IRS2: variants seen among roughly 807,000 people sequenced by gnomAD.
The protein encoded by IRS2 is insulin receptor substrate 2.
IRS2 carries 28 observed loss-of-function variants against 70.9 expected under a neutral mutation model. The ratio of observed to expected loss-of-function variants is 0.39; its 90% CI spans 0.29 to 0.54. The LOEUF (loss-of-function observed/expected upper bound fraction) is 0.54, where lower values mean the gene tolerates loss of function less well. Among genes scored for constraint, IRS2 ranks in the 20% least tolerant of loss-of-function variants. IRS2 has a pLI of 0.59. For missense variants in IRS2, 2,081 were observed against 2,024.1 expected (o/e 1.03, Z -0.54); for synonymous variants, 1,217 against 981.9 (o/e 1.24, Z -4.48).
At position 109,785,969 on chromosome 13, in the gene IRS2, G is replaced by GGTT. The variant is rs532810290; in HGVS notation, c.82_84dup (p.Asn28dup). The stretch of plus-strand genomic sequence containing the variant: ...AGGTAGCCGCACTTGCGCACGCTGT[G>GGTT]GTTGTTGTTGTTGTTGTTGTTGTTG... On this transcript the variant is annotated inframe_insertion, in exon 1 of 2. Coordinates refer to ENST00000375856, the MANE Select transcript of IRS2 (RefSeq NM_003749.3). This position sits in a 1 kb window ranked among gnomAD's most constrained non-coding sequence, Gnocchi z 9.3. The GGTT allele has an allele frequency of 2.6e-3, 3,813 of 1,490,998 alleles. 10 individuals carry two copies. Among genetic ancestry groups the GGTT allele is most frequent in the Middle Eastern group, 5.7e-3 (33 of 5,778 alleles). The allele number at this position is 1,490,998 out of a possible 1,614,324, so 92.4% of individuals were successfully genotyped here.
intron 1 of IRS2, among the ~76,000 whole-genome samples, chr13:109,779,878 G>C (rs1877659283): frequency 6.6e-6 from 1 of 152,180 alleles, no homozygotes. Flanking sequence ...TTTTACGCAG[G>C]TGGGAAATCT....
intron 1 of IRS2, among the ~76,000 whole-genome samples, chr13:109,768,675 C>T (rs773896089): frequency 2.6e-5 from 4 of 152,030 alleles, no homozygotes; most frequent in Non-Finnish European, 5.9e-5. Context: ...TCGAAATAAG[C>T]GGATTCAGCT....
intron 1 of IRS2, among the ~76,000 whole-genome samples, chr13:109,769,128 T>C (rs1197266453): frequency 6.6e-6 from 1 of 152,154 alleles, no homozygotes; most frequent in Non-Finnish European, 1.5e-5. Context: ...TTCCACTAGA[T>C]CACTTCTAGG....
Position 109,782,800 on chromosome 13 carries a change from T to G in IRS2, c.3254A>C (p.Gln1085Pro). The G allele has an allele frequency of 6.3e-7, 1 of 1,597,366 alleles. No homozygotes were observed. Residue 1085 changes from glutamine (Q) to proline (P), a missense_variant, in exon 1 of 2, where the codon CAA becomes CCA. By Grantham distance (76) the Gln-to-Pro change is moderately conservative. This residue lies in a region of IRS2 where 1,615 missense variants were observed against 1,459.5 expected (regional missense o/e 1.11). Transcript: ENST00000375856. ...TGGCTTCGGGGGGGCCGCGATAGGT[T>G]GCGGCGGGGTGGCGGCCACACCAAA... ...MAFGVAATPP[Q>P]PIAAPPKPEA... is the part of the protein sequence containing the mutation.
At chr13:109,758,013 A>G (rs1877145254) in intron 1 of IRS2, among the ~76,000 whole-genome samples, 1 of 152,214 alleles carries the variant, frequency 6.6e-6, no homozygotes, top group Non-Finnish European at 1.5e-5. Context: ...CTTTATGTCC[A>G]TTATAAATTT....
intron 1 of IRS2, among the ~76,000 whole-genome samples, chr13:109,767,332 G>T (rs1877357935): frequency 6.6e-6 from 1 of 152,158 alleles, no homozygotes; most frequent in Non-Finnish European, 1.5e-5. Flanking sequence ...GTCCAGCAAG[G>T]AGAAGGAGGT....
At chr13:109,778,556 T>C (rs1877629568) in intron 1 of IRS2, among the ~76,000 whole-genome samples, 1 of 152,206 alleles carries the variant, frequency 6.6e-6, no homozygotes, top group Admixed American at 6.5e-5. Context: ...AGAAAACTTG[T>C]GTGGTTTGTC....
intron 1 of IRS2, among the ~76,000 whole-genome samples, chr13:109,781,748 T>C (rs544138420): frequency 6.6e-6 from 1 of 152,094 alleles, no homozygotes; most frequent in South Asian, 2.1e-4. Context: ...TTCCACTGTG[T>C]TAAGGGACAG....
Position 109,784,323 on chromosome 13 carries a change from G to A in IRS2, c.1731C>T (p.Ser577=). 1 of 1,605,660 alleles carries A rather than the reference G, an allele frequency of 6.2e-7. No homozygotes were observed. Among genetic ancestry groups the A allele is most frequent in the Non-Finnish European group, 8.5e-7 (1 of 1,177,540 alleles). ...LDRGLRKRTY[S]LTTPARQRPV... is the part of the protein sequence containing the mutation. ...GCCGCTGCCGGGCTGGCGTGGTCAGGGAGTAGGTCCTCTTGCGCAGCCCTC... is the reference window on the plus strand; with the variant it reads ...GCCGCTGCCGGGCTGGCGTGGTCAGAGAGTAGGTCCTCTTGCGCAGCCCTC... Residue 577 remains serine, a synonymous_variant, in exon 1 of 2, where the codon TCC becomes TCT. Coordinates refer to ENST00000375856, the MANE Select transcript of IRS2 (RefSeq NM_003749.3). The surrounding 1 kb of genome is among the most constrained non-coding windows in gnomAD (Gnocchi z 5.2).
intron 1 of IRS2, among the ~76,000 whole-genome samples, chr13:109,759,041 GA>G (rs1877170890): frequency 6.6e-6 from 1 of 152,194 alleles, no homozygotes; most frequent in Admixed American, 6.5e-5. Context: ...AGGGAGACCA[GA>G]AACAGGATGA....
intron 1 of IRS2, among the ~76,000 whole-genome samples, chr13:109,771,575 G>C (rs1336219020): frequency 2.0e-5 from 3 of 152,148 alleles, no homozygotes; most frequent in Non-Finnish European, 4.4e-5. Context: ...ACTGGAAGAG[G>C]GTATGGGTAG....
rs543538937 is a variant in IRS2, at chr13:109,770,305, G to A, written c.4012+11737C>T. Among the ~76,000 whole-genome samples the A allele has an allele frequency of 1.3e-5, 2 of 152,330 alleles. 1 individual carries two copies. Among genetic ancestry groups the A allele is most frequent in the African/African-American group, 4.8e-5 (2 of 41,582 alleles). On this transcript the variant is annotated intron_variant, in intron 1 of 1. Coordinates refer to ENST00000375856, the MANE Select transcript of IRS2 (RefSeq NM_003749.3). ...AAAAGGAGCCAAGAAACCTGACAAT[G>A]GGGAAGTTTCTGGAATACTACCATT... is the stretch of plus-strand genomic sequence containing the variant.
rs1318734577 is a variant in IRS2, at chr13:109,784,459, T to C, written c.1595A>G (p.Asp532Gly). 2 of 1,581,456 alleles carry C rather than the reference T, an allele frequency of 1.3e-6. No homozygotes were observed. Among genetic ancestry groups the C allele is most frequent in the Non-Finnish European group, 8.6e-7 (1 of 1,161,454 alleles). ...GTAGAACTCACCGCCGCCGCCGCCG[T>C]CTCGGGCCGGGGGCGTCTCCGCGAT... Reference protein sequence around the residue: ...ESIAETPPARDGGGGGEFYGY... With the variant: ...ESIAETPPARGGGGGGEFYGY... The change falls in exon 1 of 2, where the codon GAC becomes GGC. Residue 532 changes from aspartate to glycine, a missense_variant. Asp to Gly is a moderately conservative substitution (Grantham distance 94, BLOSUM62 -1). This residue lies in a region of IRS2 where 1,615 missense variants were observed against 1,459.5 expected (regional missense o/e 1.11). Coordinates refer to ENST00000375856, the MANE Select transcript of IRS2 (RefSeq NM_003749.3). This position sits in a 1 kb window ranked among gnomAD's most constrained non-coding sequence, Gnocchi z 5.2.
At position 109,782,598 on chromosome 13, in the gene IRS2, G is replaced by T; in HGVS notation, c.3456C>A (p.Phe1152Leu). Residue 1152 changes from phenylalanine (F) to leucine (L), a missense_variant, in exon 1 of 2, where the codon TTC (phenylalanine) becomes TTA (leucine). Transcript: ENST00000375856. The part of the protein sequence containing the change: ...GGRRRHSSET[F>L]SSTTTVTPVS... Reference sequence around the variant, plus strand: ...CGGGGGTGACCGTCGTGGTGGAGGAGAAGGTCTCGGAACTGTGGCGGCGGC... The same window carrying T: ...CGGGGGTGACCGTCGTGGTGGAGGATAAGGTCTCGGAACTGTGGCGGCGGC... 6.3e-7 allele frequency: 1 copy of T among 1,578,364 alleles called. No individual in the cohort carries two copies. Among genetic ancestry groups the T allele is most frequent in the Non-Finnish European group, 8.6e-7 (1 of 1,163,236 alleles).
chr13:109,784,113 C>T lies in IRS2; in HGVS notation c.1941G>A (p.Leu647=). The part of the protein sequence containing the change: ...IGSHRSSSSN[L]GADDGYMPMT... ...TGGGCATGTAGCCGTCGTCTGCCCC[C>T]AGGTTGCTGCTGGAGCTCCTGTGGG... The change falls in exon 1 of 2, where the codon CTG becomes CTA. Residue 647 remains leucine, a synonymous_variant. Transcript: ENST00000375856. The surrounding 1 kb of genome is among the most constrained non-coding windows in gnomAD (Gnocchi z 5.2). The T allele has an allele frequency of 6.3e-7, 1 of 1,594,782 alleles. No individual in the cohort carries two copies. The highest frequency in any genetic ancestry group is 8.5e-7 in the Non-Finnish European group (1 of 1,177,602).
At chr13:109,767,630 G>C (rs1877363241) in intron 1 of IRS2, among the ~76,000 whole-genome samples, 1 of 151,602 alleles carries the variant, frequency 6.6e-6, no homozygotes, top group Admixed American at 6.6e-5. Context: ...AGAATAGACA[G>C]TAGTTCTGTC....
At position 109,755,968 on chromosome 13, in the gene IRS2, G is replaced by A. The variant is rs760047012; in HGVS notation, c.*336C>T. 2 of 400,624 alleles carry A rather than the reference G, an allele frequency of 5.0e-6. No individual in the cohort carries two copies. Among genetic ancestry groups the A allele is most frequent in the Non-Finnish European group, 9.2e-6 (2 of 218,118 alleles). 24.8% of individuals were successfully genotyped at this position (400,624 alleles called of 1,614,324 possible). A position where few individuals can be genotyped will look rare whatever the true frequency, so the allele number is the denominator to read the frequency against. ...ATCTGCTTTGCCAAAAGGAAAAGAA[G>A]AAGAAATTAAAAGACACTGGCCACA... is the stretch of plus-strand genomic sequence containing the variant. On this transcript the variant is annotated 3_prime_UTR_variant, in exon 2 of 2. Coordinates refer to ENST00000375856, the MANE Select transcript of IRS2 (RefSeq NM_003749.3).
chr13:109,768,456 T>C (rs912129957), intron 1 of IRS2, among the ~76,000 whole-genome samples: 1 of 152,214 alleles, frequency 6.6e-6, no homozygotes, highest in African/African-American at 2.4e-5. Flanking sequence ...GCAAAACCCA[T>C]GCCCTTGGCT....
intron 1 of IRS2, 53 bp downstream of exon 1, chr13:109,781,989 T>A: frequency 6.3e-7 from 1 of 1,589,282 alleles, no homozygotes; most frequent in Non-Finnish European, 8.6e-7. Context: ...AGAGGCTCCC[T>A]CAGCGCCCCG....
Sources: gnomAD v4.1 joint callset for allele counts (sites outside exome capture counted in the v4.1 genomes callset) on GRCh38, gnomAD v4.1.1 for gene constraint, gnomAD v4.1.1 regional missense constraint, Gnocchi (gnomAD v3.1) non-coding constraint, MANE v1.5 for transcripts, NCBI Gene and HGNC (gene_info 2026-07-23, HGNC 2026-07-21) for gene names.